Variants in BBX observed in about 807,000 individuals in gnomAD.
BBX encodes the protein BBX high mobility group box domain containing, also known as HMG box transcription factor BBX.
In BBX, 30 loss-of-function variants were observed where a neutral mutation model predicts 100.2. That is an observed-to-expected ratio of 0.30 (90% CI 0.22 to 0.41). BBX has a LOEUF of 0.41. Among genes scored for constraint, BBX ranks in the 10% least tolerant of loss-of-function variants. The pLI is 1.00. For synonymous variants in BBX, 376 were observed against 388.1 expected, an observed-to-expected ratio of 0.97 and a Z score of 0.37; for missense variants, 1,023 against 1,129.8, an observed-to-expected ratio of 0.91 and a Z score of 1.35.
chr3:107,583,176 G>A (rs1401279539), intron 2 of BBX, among the ~76,000 whole-genome samples: 1 of 151,716 alleles, frequency 6.6e-6, no homozygotes, highest in African/African-American at 2.4e-5. Flanking sequence ...ACAAGTTTTG[G>A]CTATACAGAG....
chr3:107,552,866 A>C (rs2049806435), intron 2 of BBX, among the ~76,000 whole-genome samples: 1 of 152,216 alleles, frequency 6.6e-6, no homozygotes, highest in Non-Finnish European at 1.5e-5. Flanking sequence ...GGAGATACGC[A>C]ATCTCTAAGG....
At chr3:107,609,539 C>T (rs1222614775) in intron 2 of BBX, among the ~76,000 whole-genome samples, 2 of 152,000 alleles carry the variant, frequency 1.3e-5, no homozygotes, top group Admixed American at 6.6e-5. Context: ...TTTATTATGG[C>T]TTTGATCTCA....
intron 8 of BBX, among the ~76,000 whole-genome samples, chr3:107,746,051 C>G (rs892122589): frequency 6.6e-6 from 1 of 152,014 alleles, no homozygotes; most frequent in Non-Finnish European, 1.5e-5. Flanking sequence ...ATAACATCCC[C>G]CTCCCCCTTT....
chr3:107,745,202 C>G (rs1370667976), intron 8 of BBX, among the ~76,000 whole-genome samples: 1 of 152,148 alleles, frequency 6.6e-6, no homozygotes, highest in African/African-American at 2.4e-5. Flanking sequence ...CAATAGGTCT[C>G]TTGACACTGG....
Position 107,539,417 on chromosome 3 carries a change from G to A in BBX, c.-84+13019G>A, listed in dbSNP as rs142301621. 7.1e-4 allele frequency among the ~76,000 whole-genome samples: 108 copies of A among 152,208 alleles called. No homozygotes were observed. In the Middle Eastern group the frequency reaches 0.01, roughly 14 times the overall value. On this transcript the variant is annotated intron_variant, in intron 2 of 17. Coordinates refer to ENST00000325805, the MANE Select transcript of BBX (RefSeq NM_001142568.3). ...GTGATTAGGGAGGGAAAATTGGGAT[G>A]GAATTGAACTTCAAGCTTTGGTTGT...
intron 3 of BBX, among the ~76,000 whole-genome samples, chr3:107,701,135 A>G (rs923697001): frequency 2.8e-4 from 43 of 152,068 alleles, no homozygotes; most frequent in Admixed American, 5.9e-4. Flanking sequence ...TCACCATTCT[A>G]ACTGGTGTGA....
intron 2 of BBX, among the ~76,000 whole-genome samples, chr3:107,576,458 C>A (rs2051781731): frequency 6.6e-6 from 1 of 152,120 alleles, no homozygotes; most frequent in African/African-American, 2.4e-5. Context: ...TATTGACCTC[C>A]CTAATTCCCT....
intron 2 of BBX, among the ~76,000 whole-genome samples, chr3:107,596,239 T>C (rs1345185978): frequency 6.6e-6 from 1 of 151,750 alleles, no homozygotes; most frequent in Non-Finnish European, 1.5e-5. Context: ...CTACTGCAGT[T>C]AGAATGCAGG....
intron 2 of BBX, among the ~76,000 whole-genome samples, chr3:107,554,307 T>C (rs1355661032): frequency 6.6e-6 from 1 of 152,210 alleles, no homozygotes; most frequent in Non-Finnish European, 1.5e-5. Context: ...AATAAATTGG[T>C]CTTTTTTCAC....
At position 107,692,010 on chromosome 3, in the gene BBX, A is replaced by T. The variant is rs144772190; in HGVS notation, c.-9-18442A>T. ...AGTCGATTTGACTGTTACTTAAGTT[A>T]TTCACCATCTTTCTTACAGTAAAGA... On this transcript the variant is annotated intron_variant, in intron 3 of 17. Transcript: ENST00000325805. Among the ~76,000 whole-genome samples the T allele has an allele frequency of 3.5e-4, 54 of 152,258 alleles. No individual in the cohort carries two copies. The East Asian group carries it at 0.01, about 29-fold the overall frequency.
chr3:107,584,397 G>A (rs927775376), intron 2 of BBX, among the ~76,000 whole-genome samples: 17 of 148,686 alleles, frequency 1.1e-4, no homozygotes, highest in Non-Finnish European at 1.8e-4. Flanking sequence ...ATTAAAAATA[G>A]TAGTTGTCAA....
chr3:107,756,573 G>A (rs1054303228), intron 10 of BBX, among the ~76,000 whole-genome samples: 2 of 151,764 alleles, frequency 1.3e-5, no homozygotes, highest in African/African-American at 2.4e-5. Context: ...ATGGTAATTT[G>A]TATCATAAAA....
intron 2 of BBX, among the ~76,000 whole-genome samples, chr3:107,531,539 A>G (rs950486213): frequency 2.0e-5 from 3 of 148,452 alleles, no homozygotes; most frequent in South Asian, 2.1e-4. Flanking sequence ...ATCTCACCCT[A>G]CCCTCCACTG....
At chr3:107,801,304 A>C in intron 17 of BBX, 23 bp downstream of exon 17, 1 of 1,606,634 alleles carries the variant, frequency 6.2e-7, no homozygotes, top group Non-Finnish European at 8.5e-7. Context: ...AGGTGGAAGG[A>C]GAAAGCAACA....
At chr3:107,605,172 A>G (rs1449586316) in intron 2 of BBX, among the ~76,000 whole-genome samples, 1 of 152,192 alleles carries the variant, frequency 6.6e-6, no homozygotes, top group Non-Finnish European at 1.5e-5. Context: ...TTGATTAACA[A>G]CAGAAGGAAA....
chr3:107,759,718 C>G (rs1033739295), intron 10 of BBX, among the ~76,000 whole-genome samples: 3 of 152,132 alleles, frequency 2.0e-5, no homozygotes, highest in Admixed American at 2.0e-4. Context: ...TGTGTATATA[C>G]ACATATTTTT....
chr3:107,577,593 A>C (rs1485241574), intron 2 of BBX, among the ~76,000 whole-genome samples: 1 of 152,218 alleles, frequency 6.6e-6, no homozygotes, highest in Admixed American at 6.5e-5. Context: ...AAGGAATAAT[A>C]GAATTATGAA....
intron 16 of BBX, among the ~76,000 whole-genome samples, chr3:107,799,871 A>AC (rs1000445857): frequency 3.3e-5 from 5 of 152,020 alleles, no homozygotes; most frequent in African/African-American, 9.6e-5. Flanking sequence ...TGATACTGAG[A>AC]CCCCCCGGCC....
chr3:107,573,196 G>A (rs762513615), intron 2 of BBX, among the ~76,000 whole-genome samples: 9 of 152,162 alleles, frequency 5.9e-5, no homozygotes, highest in East Asian at 1.9e-4. Context: ...AGCATTCTCC[G>A]TGAAGATTTA....
Sources: gnomAD v4.1 joint callset for allele counts (sites outside exome capture counted in the v4.1 genomes callset) on GRCh38, gnomAD v4.1.1 for gene constraint, MANE v1.5 for transcripts, NCBI Gene and HGNC (gene_info 2026-07-23, HGNC 2026-07-21) for gene names.